The following HPCAL1 variants were observed in gnomAD, a reference collection of about 807,000 sequenced individuals.
The protein encoded by HPCAL1 is hippocalcin like 1, also known as hippocalcin-like protein 1.
HPCAL1 carries 8 observed loss-of-function variants against 17.1 expected under a neutral mutation model. The observed-to-expected ratio is 0.47, with a 90% CI of 0.27 to 0.84. The LOEUF (loss-of-function observed/expected upper bound fraction) is 0.84. Ranked by LOEUF, HPCAL1 falls within the 40% of genes least tolerant of loss-of-function variation. HPCAL1 has a pLI of 0.13. For synonymous variants in HPCAL1, 112 were observed against 111.4 expected (o/e 1.01, Z -0.03); for missense variants, 165 against 271.1 (o/e 0.61, Z 2.75).
At chr2:10,421,439 G>A (rs932432096) in intron 3 of HPCAL1, among the ~76,000 whole-genome samples, 1 of 152,150 alleles carries the variant, frequency 6.6e-6, no homozygotes, top group Non-Finnish European at 1.5e-5. Flanking sequence ...TCATGGCCAG[G>A]CCTGTAATCC....
rs570364483 is a variant in HPCAL1, at chr2:10,398,488, T to C, written c.-25+1568T>C. On this transcript the variant is annotated intron_variant, in intron 2 of 4. Coordinates refer to ENST00000307845, the MANE Select transcript of HPCAL1 (RefSeq NM_002149.4). ...TTAATTTCAGTGTTCATGATGGGGTTCTGGGCTGTGTGAGGGGTGGAGGGC... is the reference window on the plus strand; with the variant it reads ...TTAATTTCAGTGTTCATGATGGGGTCCTGGGCTGTGTGAGGGGTGGAGGGC... 6.6e-5 allele frequency among the ~76,000 whole-genome samples: 10 copies of C among 152,302 alleles called. 1 individual carries two copies. The South Asian group carries it at 2.1e-3, about 32-fold the overall frequency.
Position 10,423,093 on chromosome 2 carries a change from T to C in HPCAL1, c.484+5T>C, listed in dbSNP as rs1453208737. 1 of 1,594,452 alleles carries C rather than the reference T, an allele frequency of 6.3e-7. No homozygotes were observed. Among genetic ancestry groups the C allele is most frequent in the Non-Finnish European group, 8.6e-7 (1 of 1,162,842 alleles). ...AGATGGACACCAACAATGACGGTAG[T>C]GCGGGGTGGGGGCGGGGCTGCATGT... On this transcript the variant is annotated splice_donor_5th_base_variant and intron_variant, in intron 4 of 4. Coordinates refer to ENST00000307845, the MANE Select transcript of HPCAL1 (RefSeq NM_002149.4).
rs1666007250 is a variant in HPCAL1 at position 10,354,311 on chromosome 2, G to A, written c.-110-42524G>A. On this transcript the variant is annotated intron_variant, in intron 1 of 4. Coordinates refer to ENST00000307845, the MANE Select transcript of HPCAL1 (RefSeq NM_002149.4). The surrounding 1 kb of genome is among the most constrained non-coding windows in gnomAD (Gnocchi z 5.1). ...CTTCATTCCACAAATACGTTCTAAG[G>A]GCCTCCTGCATTTCAGGCACTTCAG... 6.6e-6 allele frequency: 1 copy of A among 152,162 alleles called. No homozygotes were observed. Among genetic ancestry groups the A allele is most frequent in the African/African-American group, 2.4e-5 (1 of 41,418 alleles). The allele number at this position is 152,162 out of a possible 1,614,324, so 9.4% of individuals were successfully genotyped here.
intron 1 of HPCAL1, among the ~76,000 whole-genome samples, chr2:10,346,952 A>ACCTC (rs1665498799): frequency 7.3e-6 from 1 of 137,720 alleles, no homozygotes; most frequent in Non-Finnish European, 1.5e-5. Context: ...CATCCCCACC[A>ACCTC]CCCCACCCAC....
chr2:10,336,683 A>C (rs1443129726), intron 1 of HPCAL1, among the ~76,000 whole-genome samples: 1 of 152,194 alleles, frequency 6.6e-6, no homozygotes, highest in African/African-American at 2.4e-5. Flanking sequence ...GAGCAGCCCC[A>C]TCTGAGACAT....
At chr2:10,408,897 C>T (rs1166167379) in intron 2 of HPCAL1, among the ~76,000 whole-genome samples, 1 of 152,226 alleles carries the variant, frequency 6.6e-6, no homozygotes, top group African/African-American at 2.4e-5. Context: ...CTACCCAGCA[C>T]TGCCCACGGG....
chr2:10,314,492 G>A (rs1406579004), intron 1 of HPCAL1, among the ~76,000 whole-genome samples: 1 of 152,210 alleles, frequency 6.6e-6, no homozygotes, highest in Non-Finnish European at 1.5e-5. Flanking sequence ...GATATTCACT[G>A]TGGGAGCATT....
intron 1 of HPCAL1, among the ~76,000 whole-genome samples, chr2:10,370,717 A>G (rs1184333511): frequency 1.3e-5 from 2 of 152,220 alleles, no homozygotes; most frequent in African/African-American, 4.8e-5. Flanking sequence ...GGAGCCACCC[A>G]TACAGGTGTA....
Position 10,360,058 on chromosome 2 carries a change from G to A in HPCAL1, c.-110-36777G>A. Among the ~76,000 whole-genome samples, 2 of 152,312 alleles carry A rather than the reference G, an allele frequency of 1.3e-5. 1 individual carries two copies. The highest frequency in any genetic ancestry group is 4.1e-4 in the South Asian group (2 of 4,820). On this transcript the variant is annotated intron_variant, in intron 1 of 4. Transcript: ENST00000307845. ...CCAGCACGGGCTCCTGGCGCAGCAGGCCTCAGACCCTGGGGAGAGCTTTGC... is the reference window on the plus strand; with the variant it reads ...CCAGCACGGGCTCCTGGCGCAGCAGACCTCAGACCCTGGGGAGAGCTTTGC...
intron 1 of HPCAL1, among the ~76,000 whole-genome samples, chr2:10,307,720 A>G (rs1418621015): frequency 6.6e-6 from 1 of 151,958 alleles, no homozygotes; most frequent in Admixed American, 6.6e-5. Flanking sequence ...TCACTTTGCC[A>G]TCTAATTGGG....
rs144365944 is a variant in HPCAL1, at chr2:10,343,236, G to A, written c.-111+40059G>A. Among the ~76,000 whole-genome samples the A allele has an allele frequency of 4.1e-3, 625 of 152,228 alleles. 8 individuals carry two copies. Among genetic ancestry groups the A allele is most frequent in the African/African-American group, 0.015 (605 of 41,516 alleles). On this transcript the variant is annotated intron_variant, in intron 1 of 4. Transcript: ENST00000307845. The surrounding 1 kb of genome is among the most constrained non-coding windows in gnomAD (Gnocchi z 4.8). The stretch of plus-strand genomic sequence containing the variant: ...GACCCTGGACCTCTAGCACACCATG[G>A]AGGCCTGCCCCGTCCCCATAAAACA...
At chr2:10,405,482 C>T (rs1266512101) in intron 2 of HPCAL1, among the ~76,000 whole-genome samples, 1 of 152,252 alleles carries the variant, frequency 6.6e-6, no homozygotes, top group Non-Finnish European at 1.5e-5. Context: ...AGAGTTGGCC[C>T]CGTAGTCTCA....
At chr2:10,329,784 G>A (rs757407074) in intron 1 of HPCAL1, among the ~76,000 whole-genome samples, 51 of 152,134 alleles carry the variant, frequency 3.4e-4, no homozygotes, top group Non-Finnish European at 4.6e-4. Flanking sequence ...CCTGGGTTGG[G>A]GCTCCCAGCT....
Position 10,359,031 on chromosome 2 carries a change from T to C in HPCAL1, c.-110-37804T>C, listed in dbSNP as rs6735399. Among the ~76,000 whole-genome samples, 109,060 of 149,626 alleles carry C rather than the reference T, an allele frequency of 0.73. 39,884 individuals are homozygous for C. Among genetic ancestry groups the C allele is most frequent in the East Asian group, 0.98 (5,079 of 5,160 alleles). On this transcript the variant is annotated intron_variant, in intron 1 of 4. Transcript: ENST00000307845. The surrounding 1 kb of genome is among the most constrained non-coding windows in gnomAD (Gnocchi z 4.1). ...AGCCTGCCCGTCTGCATGCTCCCCTTGAGGTTTGACCCGTCTGCATGCTCC... is the reference window on the plus strand; with the variant it reads ...AGCCTGCCCGTCTGCATGCTCCCCTCGAGGTTTGACCCGTCTGCATGCTCC...
chr2:10,386,094 C>T (rs767051669), intron 1 of HPCAL1, among the ~76,000 whole-genome samples: 2 of 152,204 alleles, frequency 1.3e-5, no homozygotes, highest in Non-Finnish European at 2.9e-5. Context: ...TTGAACATCT[C>T]GGACTTTCAC....
chr2:10,412,080 C>T (rs1026497987), intron 2 of HPCAL1, among the ~76,000 whole-genome samples: 46 of 152,216 alleles, frequency 3.0e-4, no homozygotes, highest in African/African-American at 9.6e-4. Flanking sequence ...CTTTGCTTGG[C>T]CCAGTGAAGT....
chr2:10,422,902 G>A, intron 3 of HPCAL1, 81 bp from the exon 4 acceptor site: 2 of 961,308 alleles, frequency 2.1e-6, no homozygotes, highest in Admixed American at 2.0e-5. Flanking sequence ...GCCTTGTTGT[G>A]GGCTGGGCGG....
At chr2:10,324,980 G>C (rs1291556267) in intron 1 of HPCAL1, among the ~76,000 whole-genome samples, 2 of 149,686 alleles carry the variant, frequency 1.3e-5, no homozygotes, top group Admixed American at 1.3e-4. Flanking sequence ...GCACCACCAC[G>C]CCCAGCAATT....
chr2:10,338,061 T>A (rs1011846448), intron 1 of HPCAL1, among the ~76,000 whole-genome samples: 9 of 152,172 alleles, frequency 5.9e-5, no homozygotes, highest in Non-Finnish European at 1.2e-4. Flanking sequence ...GGAGAGTGAC[T>A]TTTTTAGAAG....
Sources: allele counts gnomAD v4.1 joint callset (sites outside exome capture counted in the v4.1 genomes callset), GRCh38; gene constraint gnomAD v4.1.1; non-coding constraint Gnocchi (gnomAD v3.1); transcripts MANE v1.5; gene names NCBI Gene and HGNC (gene_info 2026-07-23, HGNC 2026-07-21).